The following PRKN variants were observed in gnomAD, a reference collection of about 807,000 sequenced individuals.
PRKN encodes E3 ubiquitin-protein ligase parkin.
Under a neutral mutation model 59.5 loss-of-function variants are expected in PRKN, and 56 were observed. The observed-to-expected ratio is 0.94, with a 90% CI of 0.76 to 1.18. The LOEUF (loss-of-function observed/expected upper bound fraction) is 1.18. PRKN is among the 50% of genes most tolerant of loss of function. The pLI is 0.00. For synonymous variants in PRKN, 250 were observed against 222.1 expected (o/e 1.13, Z -1.12); for missense variants, 657 against 596.4 (o/e 1.10, Z -1.06).
chr6:161,719,633 T>G (rs938824244), intron 7 of PRKN, among the ~76,000 whole-genome samples: 4 of 152,116 alleles, frequency 2.6e-5, no homozygotes, highest in African/African-American at 4.8e-5. Context: ...TCATAGGGTG[T>G]CCCTCTTATA....
At chr6:162,189,982 T>C (rs1784203519) in intron 4 of PRKN, among the ~76,000 whole-genome samples, 1 of 152,052 alleles carries the variant, frequency 6.6e-6, no homozygotes, top group Non-Finnish European at 1.5e-5. Flanking sequence ...TATGCACAAC[T>C]GAAGATTCAT....
chr6:161,951,859 T>G (rs1005792310), intron 6 of PRKN, among the ~76,000 whole-genome samples: 1 of 150,638 alleles, frequency 6.6e-6, no homozygotes, highest in Non-Finnish European at 1.5e-5. Context: ...AAGGCGGAGA[T>G]TACAGTGAGC....
At chr6:161,834,662 T>C (rs1308592566) in intron 6 of PRKN, among the ~76,000 whole-genome samples, 2 of 152,212 alleles carry the variant, frequency 1.3e-5, no homozygotes, top group African/African-American at 2.4e-5. Context: ...CTGGAAGCAC[T>C]GGGTAGAGGG....
Position 161,576,011 on chromosome 6 carries a change from A to C in PRKN, c.872-6595T>G, listed in dbSNP as rs1781117311. 1.3e-5 allele frequency among the ~76,000 whole-genome samples: 2 copies of C among 152,198 alleles called. No individual in the cohort carries two copies. Among genetic ancestry groups the C allele is most frequent in the Admixed American group, 1.3e-4 (2 of 15,282 alleles). ...GCAGGCTGGGCTGCAGCAGTGAAGG[A>C]ATCCAGTGGGCGGCTTGCTACTCCA... is the stretch of plus-strand genomic sequence containing the variant. On this transcript the variant is annotated intron_variant, in intron 7 of 11. Coordinates refer to ENST00000366898, the MANE Select transcript of PRKN (RefSeq NM_004562.3). The surrounding 1 kb of genome is among the most constrained non-coding windows in gnomAD (Gnocchi z 4.6).
In PRKN at chr6:161,526,288, C is replaced by G. The variant is rs2115371447; in HGVS notation, c.1083+22566G>C. Among the ~76,000 whole-genome samples the G allele has an allele frequency of 6.6e-6, 1 of 152,358 alleles. No individual in the cohort carries two copies. Among genetic ancestry groups the G allele is most frequent in the Non-Finnish European group, 1.5e-5 (1 of 68,038 alleles). ...CAGTAGACACTCATGTGTTCAGACA[C>G]ATGCATGTGCGTGCACACAAACACA... On this transcript the variant is annotated intron_variant, in intron 9 of 11. Transcript: ENST00000366898. This position sits in a 1 kb window ranked among gnomAD's most constrained non-coding sequence, Gnocchi z 4.1.
intron 7 of PRKN, among the ~76,000 whole-genome samples, chr6:161,580,560 T>A (rs1481619490): frequency 6.6e-6 from 1 of 152,072 alleles, no homozygotes; most frequent in Non-Finnish European, 1.5e-5. Flanking sequence ...CACTGCAACC[T>A]CTGCCTCCCA....
chr6:162,370,904 G>C (rs1169682812), intron 2 of PRKN, among the ~76,000 whole-genome samples: 2 of 152,140 alleles, frequency 1.3e-5, no homozygotes, highest in African/African-American at 4.8e-5. Context: ...GGGCATCATT[G>C]AACAAATGGT....
At chr6:161,616,470 G>A (rs1021652348) in intron 7 of PRKN, among the ~76,000 whole-genome samples, 2 of 149,742 alleles carry the variant, frequency 1.3e-5, no homozygotes, top group African/African-American at 2.5e-5. Flanking sequence ...ATGCAGGTTC[G>A]TTACATAGAT....
intron 1 of PRKN, among the ~76,000 whole-genome samples, chr6:162,444,313 G>A (rs1053426661): frequency 2.6e-5 from 4 of 151,968 alleles, no homozygotes; most frequent in Non-Finnish European, 4.4e-5. Context: ...GCCCTACATA[G>A]TTCTGCAAAA....
At chr6:162,230,243 C>T (rs927369207) in intron 3 of PRKN, among the ~76,000 whole-genome samples, 28 of 152,184 alleles carry the variant, frequency 1.8e-4, no homozygotes, top group African/African-American at 5.5e-4. Context: ...CCAGTGAATA[C>T]TCAAATTAAC....
intron 1 of PRKN, among the ~76,000 whole-genome samples, chr6:162,587,350 G>T (rs1562412149): frequency 6.6e-6 from 1 of 152,068 alleles, no homozygotes; most frequent in Non-Finnish European, 1.5e-5. Context: ...TGGCCAGGCT[G>T]GTCTCGAACT....
rs1442761323 is a variant in PRKN, at chr6:161,874,253, TATTATATGTAA to T, written c.735-88356_735-88346del. On this transcript the variant is annotated intron_variant, in intron 6 of 11. Coordinates refer to ENST00000366898, the MANE Select transcript of PRKN (RefSeq NM_004562.3). ...TATATAATATATAATATATAATATA[TATTATATGTAA>T]AATATATAATATATATTATATATTA... 7.6e-4 allele frequency among the ~76,000 whole-genome samples: 14 copies of T among 18,538 alleles called. 3 individuals carry two copies. In the East Asian group the frequency reaches 8.0e-3, roughly 11 times the overall value. 12.2% of individuals were successfully genotyped at this position (18,538 alleles called of 152,430 possible). A position where few individuals can be genotyped will look rare whatever the true frequency, so the allele number is the denominator to read the frequency against.
At chr6:162,636,877 T>C (rs904258136) in intron 1 of PRKN, among the ~76,000 whole-genome samples, 9 of 151,996 alleles carry the variant, frequency 5.9e-5, no homozygotes, top group African/African-American at 1.7e-4. Flanking sequence ...GGAGGGCTGC[T>C]TGAGCCCAGG....
chr6:162,113,960 A>G (rs1450661881), intron 4 of PRKN, among the ~76,000 whole-genome samples: 1 of 151,956 alleles, frequency 6.6e-6, no homozygotes, highest in East Asian at 1.9e-4. Context: ...AGCACCATTT[A>G]TTAAATAGGG....
chr6:161,612,042 T>C (rs1268559230), intron 7 of PRKN, among the ~76,000 whole-genome samples: 1 of 152,206 alleles, frequency 6.6e-6, no homozygotes, highest in African/African-American at 2.4e-5. Flanking sequence ...AGGCCCTCTC[T>C]TCAATTCTAT....
At chr6:162,129,440 A>AAT (rs1362340969) in intron 4 of PRKN, among the ~76,000 whole-genome samples, 1 of 152,162 alleles carries the variant, frequency 6.6e-6, no homozygotes, top group Non-Finnish European at 1.5e-5. Context: ...GGCAGAACTA[A>AAT]TATGGCCAGA....
chr6:162,458,990 T>C (rs1010100195), intron 1 of PRKN, among the ~76,000 whole-genome samples: 3 of 152,026 alleles, frequency 2.0e-5, no homozygotes, highest in Non-Finnish European at 4.4e-5. Context: ...CTGGCTAATT[T>C]TTGTTTTTTT....
chr6:162,582,447 G>A (rs370639085), intron 1 of PRKN, among the ~76,000 whole-genome samples: 57 of 152,290 alleles, frequency 3.7e-4, no homozygotes, highest in African/African-American at 1.3e-3. Context: ...TGATTATGGT[G>A]CCTGCATTTT....
chr6:161,706,810 G>A (rs988005097), intron 7 of PRKN, among the ~76,000 whole-genome samples: 23 of 152,052 alleles, frequency 1.5e-4, no homozygotes, highest in Non-Finnish European at 1.9e-4. Flanking sequence ...TAACCGCCTC[G>A]GCCTCCTAAA....
Sources: gnomAD v4.1 joint callset for allele counts (sites outside exome capture counted in the v4.1 genomes callset) on GRCh38, gnomAD v4.1.1 for gene constraint, Gnocchi (gnomAD v3.1) non-coding constraint, MANE v1.5 for transcripts, NCBI Gene and HGNC (gene_info 2026-07-23, HGNC 2026-07-21) for gene names.